Variants in BRSK1 observed in about 807,000 individuals in gnomAD.
BRSK1 encodes the protein serine/threonine-protein kinase BRSK1.
Under a neutral mutation model 86.2 loss-of-function variants are expected in BRSK1, and 17 were observed. The ratio of observed to expected loss-of-function variants is 0.20; its 90% CI spans 0.14 to 0.30. The LOEUF is 0.30. BRSK1 is among the 10% of genes least tolerant of loss of function. BRSK1 has a pLI of 1.00. For missense variants in BRSK1, 719 were observed against 1,071.9 expected (o/e 0.67, Z 4.60); for synonymous variants, 464 against 440.1 (o/e 1.05, Z -0.68).
At chr19:55,284,742 G>A (rs1039116721) in intron 1 of BRSK1, among the ~76,000 whole-genome samples, 164 bp downstream of exon 1, 1 of 151,994 alleles carries the variant, frequency 6.6e-6, no homozygotes, top group African/African-American at 2.4e-5. Flanking sequence ...GGATGGAGGG[G>A]GTGGGGGGCG....
At chr19:55,307,915 C>G (rs577643219) in intron 17 of BRSK1, among the ~76,000 whole-genome samples, 1 of 151,728 alleles carries the variant, frequency 6.6e-6, no homozygotes, top group East Asian at 1.9e-4. Flanking sequence ...GATCGCGCCA[C>G]TGCACTCCAG....
chr19:55,288,759 A>G (rs953691798), intron 3 of BRSK1, among the ~76,000 whole-genome samples: 5 of 151,736 alleles, frequency 3.3e-5, no homozygotes, highest in African/African-American at 1.2e-4. Context: ...CTAATTTTGT[A>G]TTTTTAGTAG....
chr19:55,305,015 A>G (rs575133613), intron 14 of BRSK1, 95 bp downstream of exon 14: 3 of 1,537,160 alleles, frequency 2.0e-6, no homozygotes, highest in Admixed American at 1.9e-5. Context: ...CTAGAGAGGA[A>G]GGGACTGGGG....
chr19:55,307,946 C>G (rs1462552497), intron 17 of BRSK1, among the ~76,000 whole-genome samples: 2 of 151,310 alleles, frequency 1.3e-5, no homozygotes, highest in African/African-American at 4.9e-5. Flanking sequence ...AGAATGAGAC[C>G]TTGTCTCAAA....
At chr19:55,300,116 G>A (rs963069970) in intron 7 of BRSK1, among the ~76,000 whole-genome samples, 21 of 152,110 alleles carry the variant, frequency 1.4e-4, no homozygotes, top group Admixed American at 4.6e-4. Flanking sequence ...CTTGAGTGTC[G>A]AGTGTGTGTC....
intron 7 of BRSK1, among the ~76,000 whole-genome samples, chr19:55,295,235 G>A (rs1427667868): frequency 1.3e-5 from 2 of 151,998 alleles, no homozygotes; most frequent in African/African-American, 2.4e-5. Context: ...CAGTCCTCCC[G>A]CCTCAGCCTC....
Position 55,284,398 on chromosome 19 carries a change from A to T in BRSK1, c.-45A>T, listed in dbSNP as rs1408304553. ...ACCGGAGAGACGGGGCGACGGCCGC[A>T]GGGGGGGCGGCCGGGGGACCGGTCG... On this transcript the variant is annotated 5_prime_UTR_variant, in exon 1 of 19. Coordinates refer to ENST00000309383, the MANE Select transcript of BRSK1 (RefSeq NM_032430.2). The T allele has an allele frequency of 6.7e-5, 64 of 961,192 alleles. No homozygotes were observed. The African/African-American group carries it at 8.8e-4, about 13-fold the overall frequency. The allele number at this position is 961,192 out of a possible 1,614,324, so 59.5% of individuals were successfully genotyped here.
chr19:55,304,894 C>A lies in BRSK1; in HGVS notation c.1691C>A (p.Pro564His). The A allele has an allele frequency of 6.2e-7, 1 of 1,609,190 alleles. No homozygotes were observed. ...NSIRNSFLGSPRFHRRKMQVP... is the reference protein window; with the variant it reads ...NSIRNSFLGSHRFHRRKMQVP... ...ATCCGCAACAGCTTCCTGGGCTCCC[C>A]TCGCTTTCACCGGCGCAAGATGCAG... The change falls in exon 14 of 19, where the codon CCT becomes CAT. Residue 564 changes from proline to histidine, a missense_variant. Physicochemically the swap from Pro to His is moderately conservative, Grantham distance 77 (BLOSUM62 -2). Coordinates refer to ENST00000309383, the MANE Select transcript of BRSK1 (RefSeq NM_032430.2). This position sits in a 1 kb window ranked among gnomAD's most constrained non-coding sequence, Gnocchi z 5.2.
intron 7 of BRSK1, among the ~76,000 whole-genome samples, chr19:55,295,192 G>A (rs112335434): frequency 0.032 from 4,814 of 151,850 alleles, 238 homozygotes; most frequent in African/African-American, 0.1. Flanking sequence ...GCGCCATCAC[G>A]GCTCACTGCA....
chr19:55,284,017 C>T lies in BRSK1; in HGVS notation c.-426C>T, dbSNP rs2122917042. On this transcript the variant is annotated 5_prime_UTR_variant, in exon 1 of 19. Transcript: ENST00000309383. ...TCCCCGGATGGTGATGTCAGCGTGC[C>T]GGAGAGAAAGGACGAGGTGGCGGGG... 5.7e-6 allele frequency: 7 copies of T among 1,230,494 alleles called. No individual in the cohort carries two copies. Among genetic ancestry groups the T allele is most frequent in the East Asian group, 3.2e-5 (1 of 31,244 alleles). The allele number at this position is 1,230,494 out of a possible 1,614,324, so 76.2% of individuals were successfully genotyped here. A position where few individuals can be genotyped will look rare whatever the true frequency, so the allele number is the denominator to read the frequency against.
Position 55,304,734 on chromosome 19 carries a change from T to C in BRSK1, c.1531T>C (p.Ser511Pro), listed in dbSNP as rs2088623006. Residue 511 changes from serine (S) to proline (P), a missense_variant, in exon 14 of 19, where the codon TCC (serine) becomes CCC (proline). By Grantham distance (74) the Ser-to-Pro change is moderately conservative. This residue lies in a region of BRSK1 where 143 missense variants were observed against 120.1 expected (regional missense o/e 1.19). Coordinates refer to ENST00000309383, the MANE Select transcript of BRSK1 (RefSeq NM_032430.2). This position sits in a 1 kb window ranked among gnomAD's most constrained non-coding sequence, Gnocchi z 5.2. ...PLPGPPGSPR[S>P]SGGTPLHSPL... ...GCCCGGCCCCCCAGGCTCCCCGCGC[T>C]CCTCTGGCGGGACCCCCTTGCACTC... The C allele has an allele frequency of 1.3e-6, 2 of 1,510,172 alleles. No individual in the cohort carries two copies. The allele number at this position is 1,510,172 out of a possible 1,614,324, so 93.5% of individuals were successfully genotyped here.
Position 55,287,021 on chromosome 19 carries a change from G to A in BRSK1, c.151G>A (p.Gly51Arg). Residue 51 changes from glycine to arginine, a missense_variant, in exon 2 of 19, where the codon GGG becomes AGG. Coordinates refer to ENST00000309383, the MANE Select transcript of BRSK1 (RefSeq NM_032430.2). This position sits in a 1 kb window ranked among gnomAD's most constrained non-coding sequence, Gnocchi z 5.3. Reference sequence around the variant, plus strand: ...TGCTCCTGCAGGGCTGGTTAAACTCGGGGTCCACTGCATCACGGGTCAGAA... The same window carrying A: ...TGCTCCTGCAGGGCTGGTTAAACTCAGGGTCCACTGCATCACGGGTCAGAA... ...GKGQTGLVKL[G>R]VHCITGQKVA... The A allele has an allele frequency of 6.2e-7, 1 of 1,613,998 alleles. No homozygotes were observed. Among genetic ancestry groups the A allele is most frequent in the Non-Finnish European group, 8.5e-7 (1 of 1,179,970 alleles).
intron 17 of BRSK1, among the ~76,000 whole-genome samples, chr19:55,308,056 T>G (rs148834083): frequency 0.063 from 9,446 of 149,902 alleles, 982 homozygotes; most frequent in African/African-American, 0.22. Flanking sequence ...AGTCTTGCTC[T>G]GTCGTCCAGG....
At chr19:55,284,718 A>C (rs1600166259) in intron 1 of BRSK1, 140 bp downstream of exon 1, 1 of 620,862 alleles carries the variant, frequency 1.6e-6, no homozygotes, top group Non-Finnish European at 2.3e-6. Flanking sequence ...TGGGATTCAG[A>C]CTCCTGGGTC....
Position 55,284,492 on chromosome 19 carries a change from T to TCCCCCA in BRSK1, c.66_71dup (p.His23_Pro24dup), listed in dbSNP as rs964675692. 8 of 776,148 alleles carry TCCCCCA rather than the reference T, an allele frequency of 1.0e-5. No homozygotes were observed. Among genetic ancestry groups the TCCCCCA allele is most frequent in the Middle Eastern group, 4.7e-4 (1 of 2,140 alleles). The allele number at this position is 776,148 out of a possible 1,614,324, so 48.1% of individuals were successfully genotyped here. A position where few individuals can be genotyped will look rare whatever the true frequency, so the allele number is the denominator to read the frequency against. ...GGTGGGGGCTCTCCCGCCTACCACC[T>TCCCCCA]CCCCCACCCCCACCCCCACCCACCC... On this transcript the variant is annotated inframe_insertion, in exon 1 of 19. Transcript: ENST00000309383.
chr19:55,302,534 T>A lies in BRSK1; in HGVS notation c.858-163T>A, dbSNP rs2088587249. Among the ~76,000 whole-genome samples, 1 of 151,306 alleles carries A rather than the reference T, an allele frequency of 6.6e-6. No homozygotes were observed. The highest frequency in any genetic ancestry group is 1.5e-5 in the Non-Finnish European group (1 of 67,812). ...GGGGCTGGAGGTCTGGACTCCTGGGTCTGAGATGGGGGGCGAGGTCTGGGG... is the reference window on the plus strand; with the variant it reads ...GGGGCTGGAGGTCTGGACTCCTGGGACTGAGATGGGGGGCGAGGTCTGGGG... On this transcript the variant is annotated intron_variant, in intron 9 of 18. Transcript: ENST00000309383. This position sits in a 1 kb window ranked among gnomAD's most constrained non-coding sequence, Gnocchi z 6.3.
intron 4 of BRSK1, among the ~76,000 whole-genome samples, chr19:55,292,838 A>T (rs1401588871): frequency 6.6e-6 from 1 of 151,962 alleles, no homozygotes; most frequent in Non-Finnish European, 1.5e-5. Context: ...TGTCTCAAAA[A>T]AAAAAAAAAG....
Position 55,289,737 on chromosome 19 carries a change from T to G in BRSK1, c.458+117T>G. 5.2e-6 allele frequency: 7 copies of G among 1,334,006 alleles called. No individual in the cohort carries two copies. The South Asian group carries it at 1.0e-4, about 20-fold the overall frequency. 82.6% of individuals were successfully genotyped at this position (1,334,006 alleles called of 1,614,324 possible). On this transcript the variant is annotated intron_variant, in intron 4 of 18. Transcript: ENST00000309383. ...GGTCGGCCCCCAAACCTTTATCCCA[T>G]TGAGACATAACTCATACACCAGAAA...
At chr19:55,301,990 T>A (rs1870883057) in intron 8 of BRSK1, 147 bp from the exon 9 acceptor site, 2 of 998,840 alleles carry the variant, frequency 2.0e-6, no homozygotes, top group African/African-American at 3.2e-5. Flanking sequence ...CAGTCGCCAC[T>A]AGAGGGCGAT....
Sources: gnomAD v4.1 joint callset for allele counts (sites outside exome capture counted in the v4.1 genomes callset) on GRCh38, gnomAD v4.1.1 for gene constraint, gnomAD v4.1.1 regional missense constraint, Gnocchi (gnomAD v3.1) non-coding constraint, MANE v1.5 for transcripts, NCBI Gene and HGNC (gene_info 2026-07-23, HGNC 2026-07-21) for gene names.